Variants in LITAF observed in about 807,000 individuals in gnomAD.
LITAF encodes the protein lipopolysaccharide induced TNF factor, also known as lipopolysaccharide-induced tumor necrosis factor-alpha factor.
LITAF carries 9 observed loss-of-function variants against 14.5 expected under a neutral mutation model. The observed-to-expected ratio is 0.62, with a 90% CI of 0.37 to 1.08. The LOEUF (loss-of-function observed/expected upper bound fraction) is 1.08, where lower values mean the gene tolerates loss of function less well. Among genes scored for constraint, LITAF ranks in the 50% least tolerant of loss-of-function variants. The pLI is 0.01. For missense variants in LITAF, 206 were observed against 213.4 expected, an observed-to-expected ratio of 0.97 and a Z score of 0.22; for synonymous variants, 98 against 88.2, an observed-to-expected ratio of 1.11 and a Z score of -0.62.
In LITAF at chr16:11,549,882, C is replaced by T; in HGVS notation, c.378-137G>A. On this transcript the variant is annotated intron_variant, in intron 3 of 3. Coordinates refer to ENST00000622633, the MANE Select transcript of LITAF (RefSeq NM_001136472.2). The surrounding 1 kb of genome is among the most constrained non-coding windows in gnomAD (Gnocchi z 4.6). ...ATTAGGAATTTTGAGATGGGATCAT[C>T]TTGGATTATCCAGGCGGACCCCTAA... 1.4e-6 allele frequency: 1 copy of T among 717,526 alleles called. No homozygotes were observed. Among genetic ancestry groups the T allele is most frequent in the South Asian group, 1.5e-5 (1 of 67,320 alleles). 44.4% of individuals were successfully genotyped at this position (717,526 alleles called of 1,614,324 possible).
upstream of LITAF, among the ~76,000 whole-genome samples, chr16:11,599,124 A>AT (rs1876739804): frequency 7.1e-6 from 1 of 140,328 alleles, no homozygotes; most frequent in African/African-American, 2.7e-5. Flanking sequence ...CAAGCCTTTT[A>AT]TGGGGGGGTG....
upstream of LITAF, among the ~76,000 whole-genome samples, chr16:11,599,091 A>T (rs2064911997): frequency 6.7e-6 from 1 of 150,058 alleles, no homozygotes; most frequent in Non-Finnish European, 1.5e-5. Context: ...AAGTGTTAGG[A>T]TTACAGGTGT....
At chr16:11,600,103 T>G (rs1245647856), upstream of LITAF, among the ~76,000 whole-genome samples, 3 of 152,094 alleles carry the variant, frequency 2.0e-5, no homozygotes, top group African/African-American at 7.2e-5. This position sits in a 1 kb window ranked among gnomAD's most constrained non-coding sequence, Gnocchi z 4.1. Flanking sequence ...GCTCAAGCAA[T>G]CCTACCACCT....
At chr16:11,563,880 A>T (rs1344187615) in intron 1 of LITAF, among the ~76,000 whole-genome samples, 1 of 152,016 alleles carries the variant, frequency 6.6e-6, no homozygotes, top group Non-Finnish European at 1.5e-5. Context: ...CGTGCTTGTC[A>T]ACCCAGACAG....
Position 11,558,825 on chromosome 16 carries a change from G to A in LITAF, c.-5-2090C>T, listed in dbSNP as rs547808431. On this transcript the variant is annotated intron_variant, in intron 1 of 3. Transcript: ENST00000622633. The surrounding 1 kb of genome is among the most constrained non-coding windows in gnomAD (Gnocchi z 4.1). ...TCTAGAAAACTTTGAAAGTCCCTTG[G>A]AGAACACGTGTTCAAGACTTCTTTC... 1.1e-3 allele frequency among the ~76,000 whole-genome samples: 166 copies of A among 152,272 alleles called. No individual in the cohort carries two copies. The highest frequency in any genetic ancestry group is 4.3e-3 in the Admixed American group (66 of 15,284).
chr16:11,615,934 G>T (rs2065016991), intron 3 of LITAF, among the ~76,000 whole-genome samples: 1 of 152,146 alleles, frequency 6.6e-6, no homozygotes, highest in African/African-American at 2.4e-5. Context: ...TCACCTCTGG[G>T]GAGGGGAGAG....
At chr16:11,582,807 G>A (rs2064758987) in intron 1 of LITAF, among the ~76,000 whole-genome samples, 2 of 152,134 alleles carry the variant, frequency 1.3e-5, no homozygotes, top group African/African-American at 4.8e-5. Flanking sequence ...GGAGCACAGT[G>A]GATCCTGACT....
At chr16:11,595,202 A>C (rs1449933708) in intron 1 of LITAF, among the ~76,000 whole-genome samples, 3 of 152,136 alleles carry the variant, frequency 2.0e-5, no homozygotes, top group African/African-American at 7.2e-5. Flanking sequence ...ATCCTCAAAA[A>C]AGGTCCATGC....
intron 1 of LITAF, among the ~76,000 whole-genome samples, chr16:11,593,491 A>C (rs1161711839): frequency 6.6e-6 from 1 of 152,176 alleles, no homozygotes; most frequent in Non-Finnish European, 1.5e-5. Context: ...TATATACACA[A>C]AAAAACTGAA....
rs1479401913 is a variant in LITAF, at chr16:11,553,635, A to G, written c.275T>C (p.Ile92Thr). The G allele has an allele frequency of 6.2e-7, 1 of 1,614,176 alleles. No homozygotes were observed. Among genetic ancestry groups the G allele is most frequent in the South Asian group, 1.1e-5 (1 of 91,084 alleles). Residue 92 changes from isoleucine to threonine, a missense_variant, in exon 3 of 4, where the codon ATC becomes ACC. By Grantham distance (89) the Ile-to-Thr change is moderately conservative (BLOSUM62 -1). Coordinates refer to ENST00000622633, the MANE Select transcript of LITAF (RefSeq NM_001136472.2). This position sits in a 1 kb window ranked among gnomAD's most constrained non-coding sequence, Gnocchi z 7.7. ...QHPITFLDRP[I>T]QMCCPSCNKM... ...GTTGCAGGAAGGACAACACATTTGG[A>G]TAGGGCGGTCCAAAAAGGTGATGGG...
intron 1 of LITAF, chr16:11,561,654 C>T (rs2064367451): frequency 1.3e-5 from 2 of 152,074 alleles, no homozygotes; most frequent in South Asian, 4.1e-4. Flanking sequence ...AAATAAATTC[C>T]ACAGTCTTCC....
rs2065129742 is a variant in LITAF at position 11,634,249 on chromosome 16, C to T, written c.-20-612G>A. ...CATCTTGCCTTTCACCTCCAAACTGCTCTTCATCATTCCTGGACTTGGGCC... is the reference window on the plus strand; with the variant it reads ...CATCTTGCCTTTCACCTCCAAACTGTTCTTCATCATTCCTGGACTTGGGCC... On this transcript the variant is annotated intron_variant, in intron 2 of 3. Coordinates refer to the LITAF transcript ENST00000574848. This position sits in a 1 kb window ranked among gnomAD's most constrained non-coding sequence, Gnocchi z 4.1. Among the ~76,000 whole-genome samples the T allele has an allele frequency of 6.6e-6, 1 of 152,188 alleles. No homozygotes were observed. The highest frequency in any genetic ancestry group is 1.5e-5 in the Non-Finnish European group (1 of 68,038).
chr16:11,563,315 AT>A (rs1457247390), intron 1 of LITAF, among the ~76,000 whole-genome samples: 3 of 151,940 alleles, frequency 2.0e-5, no homozygotes, highest in Non-Finnish European at 4.4e-5. Context: ...CGCCCAGCTA[AT>A]TTTTGTATTT....
upstream of LITAF, among the ~76,000 whole-genome samples, chr16:11,601,657 C>T (rs190744008): frequency 4.6e-3 from 698 of 152,278 alleles, 9 homozygotes; most frequent in African/African-American, 0.016. Context: ...GCAGCCTCCA[C>T]TTCCTGGGCT....
rs2064142779 is a variant in LITAF, at chr16:11,548,905, A to G, written c.*732T>C. The G allele has an allele frequency of 6.6e-6, 3 of 453,942 alleles. No individual in the cohort carries two copies. The highest frequency in any genetic ancestry group is 2.0e-5 in the African/African-American group (1 of 50,002). The allele number at this position is 453,942 out of a possible 1,614,324, so 28.1% of individuals were successfully genotyped here. ...CATATAATTACTCTATGAGAAAAAA[A>G]TCCCTGTATGGAAAGGGGCACTGAA... On this transcript the variant is annotated 3_prime_UTR_variant, in exon 4 of 4. Transcript: ENST00000622633.
At chr16:11,562,313 CAAAAAAAAAA>C (rs57317505) in intron 1 of LITAF, among the ~76,000 whole-genome samples, 1 of 61,434 alleles carries the variant, frequency 1.6e-5, no homozygotes, top group South Asian at 6.4e-4. Context: ...GACTCCGTCT[CAAAAAAAAAA>C]AAAAAAAAAA....
In LITAF at chr16:11,634,137, T is replaced by C. The variant is rs893781820; in HGVS notation, c.-20-500A>G. On this transcript the variant is annotated intron_variant, in intron 2 of 3. Coordinates refer to the LITAF transcript ENST00000574848. The surrounding 1 kb of genome is among the most constrained non-coding windows in gnomAD (Gnocchi z 4.1). ...GTGCAGAGACTCATATGGGCACTTATACACACATGCACACAGGTGAGACCA... is the reference window on the plus strand; with the variant it reads ...GTGCAGAGACTCATATGGGCACTTACACACACATGCACACAGGTGAGACCA... Among the ~76,000 whole-genome samples, 5 of 152,188 alleles carry C rather than the reference T, an allele frequency of 3.3e-5. No individual in the cohort carries two copies. Among genetic ancestry groups the C allele is most frequent in the African/African-American group, 7.2e-5 (3 of 41,442 alleles).
At chr16:11,574,012 T>G (rs931028622) in intron 1 of LITAF, among the ~76,000 whole-genome samples, 1 of 141,730 alleles carries the variant, frequency 7.1e-6, no homozygotes, top group South Asian at 2.2e-4. Context: ...TTTTTTTGGT[T>G]TTTTTTTTGT....
intron 3 of LITAF, among the ~76,000 whole-genome samples, chr16:11,629,784 G>C (rs2141905029): frequency 6.6e-6 from 1 of 152,316 alleles, no homozygotes; most frequent in African/African-American, 2.4e-5. Context: ...GTTGACTCAA[G>C]TCTCCAGCGT....
Sources: allele counts gnomAD v4.1 joint callset (sites outside exome capture counted in the v4.1 genomes callset), GRCh38; gene constraint gnomAD v4.1.1; non-coding constraint Gnocchi (gnomAD v3.1); transcripts MANE v1.5; gene names NCBI Gene and HGNC (gene_info 2026-07-23, HGNC 2026-07-21).